Variants in NOX4 observed in about 807,000 individuals in gnomAD.
The protein encoded by NOX4 is kidney oxidase-1.
NOX4 carries 69 observed loss-of-function variants against 87.6 expected under a neutral mutation model. The observed-to-expected ratio is 0.79, with a 90% CI of 0.65 to 0.96. The LOEUF (loss-of-function observed/expected upper bound fraction) is 0.96. Among genes scored for constraint, NOX4 ranks in the 40% least tolerant of loss-of-function variants. The pLI is 0.00. For missense variants in NOX4, 680 were observed against 681.5 expected (o/e 1.00, Z 0.02); for synonymous variants, 275 against 238.2 (o/e 1.15, Z -1.42).
At chr11:89,573,101 A>T in the NOX4 span, among the ~76,000 whole-genome samples, 1 of 152,212 alleles carries the variant, frequency 6.6e-6, no homozygotes, top group Non-Finnish European at 1.5e-5. Context: ...TTTCCTTCAA[A>T]GTATATGCAT....
chr11:89,586,777 T>A, the NOX4 span, among the ~76,000 whole-genome samples: 8 of 152,278 alleles, frequency 5.3e-5, no homozygotes, highest in South Asian at 1.2e-3. Flanking sequence ...TAAAGAGTAA[T>A]CTGAAATTTA....
chr11:89,470,590 C>G (rs1336743995), intron 2 of NOX4, among the ~76,000 whole-genome samples: 1 of 152,114 alleles, frequency 6.6e-6, no homozygotes, highest in Admixed American at 6.6e-5. Flanking sequence ...GCAGCTCTGC[C>G]TCCACCCTCC....
chr11:89,392,331 G>A (rs1316031507), intron 11 of NOX4, among the ~76,000 whole-genome samples: 1 of 152,120 alleles, frequency 6.6e-6, no homozygotes, highest in Non-Finnish European at 1.5e-5. Context: ...CCTCAAGAGT[G>A]AAGGCCCGGG....
intron 12 of NOX4, among the ~76,000 whole-genome samples, chr11:89,365,026 T>C (rs532709662): frequency 2.8e-4 from 42 of 152,226 alleles, no homozygotes; most frequent in African/African-American, 6.7e-4. Context: ...CTCCCGAGAA[T>C]ATACAGTACT....
chr11:89,335,981 A>G (rs200315266), intron 16 of NOX4, 36 bp from the exon 17 acceptor site: 8 of 1,314,692 alleles, frequency 6.1e-6, no homozygotes, highest in Non-Finnish European at 8.6e-6. Flanking sequence ...TTCGATATTT[A>G]GTTAAGTAAA....
At chr11:89,479,794 A>ACTAGACACTAACTTTTTAT (rs1730223582) in intron 2 of NOX4, among the ~76,000 whole-genome samples, 1 of 152,134 alleles carries the variant, frequency 6.6e-6, no homozygotes. Flanking sequence ...ACTACTTTTC[A>ACTAGACACTAACTTTTTAT]CTAGACACTA....
intron 11 of NOX4, among the ~76,000 whole-genome samples, chr11:89,393,180 T>C (rs2135144677): frequency 6.6e-6 from 1 of 152,206 alleles, no homozygotes. Context: ...TACTATTGGC[T>C]TCTAGTGGGT....
chr11:89,461,252 C>T (rs1471759505), intron 2 of NOX4, among the ~76,000 whole-genome samples: 1 of 151,514 alleles, frequency 6.6e-6, no homozygotes, highest in Non-Finnish European at 1.5e-5. Context: ...GGCACATGTA[C>T]ACATATGTAA....
the NOX4 span, among the ~76,000 whole-genome samples, chr11:89,555,725 A>G: frequency 6.6e-6 from 1 of 152,140 alleles, no homozygotes; most frequent in Non-Finnish European, 1.5e-5. Flanking sequence ...CTCCTATAGT[A>G]ATCTCCAAAT....
chr11:89,490,324 C>A (rs1946799848), intron 2 of NOX4, 134 bp downstream of exon 2: 1 of 640,322 alleles, frequency 1.6e-6, no homozygotes, highest in Admixed American at 2.8e-5. Flanking sequence ...AAAATGTGAC[C>A]ACTTTAGAGA....
chr11:89,429,323 T>C (rs926784640), intron 7 of NOX4, among the ~76,000 whole-genome samples: 1 of 151,928 alleles, frequency 6.6e-6, no homozygotes, highest in African/African-American at 2.4e-5. Flanking sequence ...AGCAAACACA[T>C]TCAAAAGCTA....
intron 12 of NOX4, among the ~76,000 whole-genome samples, chr11:89,368,632 C>A (rs1939200214): frequency 6.6e-6 from 1 of 152,098 alleles, no homozygotes; most frequent in Non-Finnish European, 1.5e-5. Flanking sequence ...GCTTTATTCT[C>A]ATGATTTAAT....
chr11:89,328,755 GA>G (rs1242588758), intron 17 of NOX4, among the ~76,000 whole-genome samples: 3 of 151,992 alleles, frequency 2.0e-5, no homozygotes, highest in African/African-American at 7.3e-5. Flanking sequence ...GGCTTTAAAG[GA>G]GGCAATTTAA....
intron 6 of NOX4, among the ~76,000 whole-genome samples, chr11:89,437,459 T>G (rs1944135275): frequency 6.6e-6 from 1 of 152,120 alleles, no homozygotes; most frequent in Non-Finnish European, 1.5e-5. Context: ...AACAGATGCC[T>G]TAGGAGCTCC....
chr11:89,552,248 T>C, the NOX4 span, among the ~76,000 whole-genome samples: 1 of 152,198 alleles, frequency 6.6e-6, no homozygotes. Context: ...AGAAGAATCA[T>C]GTAACTGTTG....
At chr11:89,345,191 C>T (rs1208767724) in intron 13 of NOX4, among the ~76,000 whole-genome samples, 1 of 152,184 alleles carries the variant, frequency 6.6e-6, no homozygotes, top group African/African-American at 2.4e-5. Flanking sequence ...TACCCCAAGA[C>T]TTGCTGACTC....
chr11:89,360,320 G>A (rs1178142632), intron 12 of NOX4, among the ~76,000 whole-genome samples: 7 of 152,056 alleles, frequency 4.6e-5, no homozygotes, highest in Admixed American at 2.0e-4. Flanking sequence ...AAAAGACACC[G>A]TTGCCAAGTA....
intron 2 of NOX4, among the ~76,000 whole-genome samples, chr11:89,478,616 T>C (rs1946264619): frequency 6.6e-6 from 1 of 152,104 alleles, no homozygotes; most frequent in Non-Finnish European, 1.5e-5. Flanking sequence ...ACGAATTAAC[T>C]TTCATATACC....
the NOX4 span, among the ~76,000 whole-genome samples, chr11:89,579,504 C>T: frequency 6.6e-6 from 1 of 151,188 alleles, no homozygotes; most frequent in Admixed American, 6.6e-5. Flanking sequence ...ACAAAATAGC[C>T]ATAGAATATA....
Sources: allele counts gnomAD v4.1 joint callset (sites outside exome capture counted in the v4.1 genomes callset), GRCh38; gene constraint gnomAD v4.1.1; transcripts MANE v1.5; gene names NCBI Gene and HGNC (gene_info 2026-07-23, HGNC 2026-07-21).